Variants in UBE2K observed in about 807,000 individuals in gnomAD.
UBE2K encodes the protein ubiquitin conjugating enzyme E2 K, also known as ubiquitin-conjugating enzyme E2 K.
In UBE2K, 6 loss-of-function variants were observed where a neutral mutation model predicts 30.0. The observed-to-expected ratio is 0.20, with a 90% CI of 0.11 to 0.39. The LOEUF is 0.39. Ranked by LOEUF, UBE2K falls within the 10% of genes least tolerant of loss-of-function variation. UBE2K has a pLI of 1.00. For missense variants in UBE2K, 61 were observed against 241.6 expected, an observed-to-expected ratio of 0.25 and a Z score of 4.96; for synonymous variants, 86 against 83.7, an observed-to-expected ratio of 1.03 and a Z score of -0.15.
At position 39,721,415 on chromosome 4, in the gene UBE2K, T is replaced by G. The variant is rs150821770; in HGVS notation, c.64-16005T>G. ...GTCACCCAGGCTGGAGTGCAGTGGC[T>G]CAATCACAGCTCACTGCGGCCTCAA... On this transcript the variant is annotated intron_variant, in intron 1 of 6. Transcript: ENST00000261427. Among the ~76,000 whole-genome samples, 18 of 152,240 alleles carry G rather than the reference T, an allele frequency of 1.2e-4. No individual in the cohort carries two copies. In the East Asian group the frequency reaches 3.3e-3, roughly 28 times the overall value.
At position 39,770,111 on chromosome 4, in the gene UBE2K, A is replaced by C. The variant is rs1454621555; in HGVS notation, c.300-4723A>C. The C allele has an allele frequency of 4.4e-6, 7 of 1,577,072 alleles. No homozygotes were observed. The Admixed American group carries it at 1.2e-4, about 27-fold the overall frequency. On this transcript the variant is annotated intron_variant, in intron 4 of 6. Transcript: ENST00000261427. ...GGATGAGGACATTAATCTCGGCCACACTGGTCTCCAGCACGTTCTCGGCGG... is the reference window on the plus strand; with the variant it reads ...GGATGAGGACATTAATCTCGGCCACCCTGGTCTCCAGCACGTTCTCGGCGG...
chr4:39,712,898 C>T (rs1200303057), intron 1 of UBE2K, among the ~76,000 whole-genome samples: 6 of 147,228 alleles, frequency 4.1e-5, no homozygotes, highest in African/African-American at 7.6e-5. Context: ...CGGAGTCTCG[C>T]TTTGTCGCCC....
chr4:39,770,111 A>AC (rs1014404851), intron 4 of UBE2K: 99 of 1,577,072 alleles, frequency 6.3e-5, no homozygotes, highest in Non-Finnish European at 8.3e-5. Context: ...TCTCGGCCAC[A>AC]CTGGTCTCCA....
chr4:39,757,042 T>TTTA (rs1711538750), intron 4 of UBE2K, among the ~76,000 whole-genome samples: 1 of 141,030 alleles, frequency 7.1e-6, no homozygotes, highest in African/African-American at 2.8e-5. Context: ...GTTTTTTTTT[T>TTTA]GAGACAGAGT....
intron 1 of UBE2K, among the ~76,000 whole-genome samples, chr4:39,701,656 C>T (rs1718018908): frequency 6.6e-6 from 1 of 151,972 alleles, no homozygotes; most frequent in Non-Finnish European, 1.5e-5. Context: ...GTTTGTATTA[C>T]TGGTTAAAGG....
intron 4 of UBE2K, among the ~76,000 whole-genome samples, chr4:39,769,644 A>G (rs558674177): frequency 1.3e-5 from 2 of 151,234 alleles, no homozygotes; most frequent in African/African-American, 4.9e-5. Flanking sequence ...AAGCAGGAGC[A>G]TGTCCTCCTG....
At chr4:39,712,802 G>A (rs923002859) in intron 1 of UBE2K, among the ~76,000 whole-genome samples, 6 of 151,660 alleles carry the variant, frequency 4.0e-5, no homozygotes. Flanking sequence ...CTAGTCAGTA[G>A]AGATATTAAG....
intron 5 of UBE2K, among the ~76,000 whole-genome samples, chr4:39,776,545 A>C (rs1266047626): frequency 6.6e-6 from 1 of 152,102 alleles, no homozygotes; most frequent in East Asian, 1.9e-4. Context: ...TGTTTTCTTC[A>C]AACTCATGCT....
chr4:39,733,215 T>G (rs1392077802), intron 1 of UBE2K, among the ~76,000 whole-genome samples: 2 of 152,166 alleles, frequency 1.3e-5, no homozygotes, highest in Admixed American at 1.3e-4. Context: ...CTGCCTTGGT[T>G]GTTGCAGTCA....
chr4:39,770,716 G>C, intron 4 of UBE2K: 1 of 1,574,114 alleles, frequency 6.4e-7, no homozygotes, highest in Non-Finnish European at 8.6e-7. Flanking sequence ...AGCTCCCCAA[G>C]GTGGCCACCC....
At chr4:39,734,085 C>T (rs1398766291) in intron 1 of UBE2K, among the ~76,000 whole-genome samples, 1 of 150,404 alleles carries the variant, frequency 6.6e-6, no homozygotes, top group Admixed American at 6.8e-5. Flanking sequence ...AAATAAAGAC[C>T]CTATTCTAAG....
intron 1 of UBE2K, among the ~76,000 whole-genome samples, chr4:39,732,832 T>G (rs2109343234): frequency 6.6e-6 from 1 of 151,910 alleles, no homozygotes; most frequent in Middle Eastern, 3.4e-3. Flanking sequence ...TGTGCTACCA[T>G]GCCCAGTTAA....
intron 4 of UBE2K, among the ~76,000 whole-genome samples, chr4:39,768,916 G>GATC (rs1712540665): frequency 6.6e-6 from 1 of 152,074 alleles, no homozygotes; most frequent in Non-Finnish European, 1.5e-5. Flanking sequence ...AGAGTGCAGT[G>GATC]GCATGATCTC....
chr4:39,727,985 T>C (rs576368805), intron 1 of UBE2K, among the ~76,000 whole-genome samples: 1 of 151,922 alleles, frequency 6.6e-6, no homozygotes, highest in African/African-American at 2.4e-5. Flanking sequence ...ATGTAAGAAA[T>C]TAGCCAGGCG....
chr4:39,758,243 C>T (rs922856913), intron 4 of UBE2K, among the ~76,000 whole-genome samples: 3 of 152,196 alleles, frequency 2.0e-5, no homozygotes, highest in Non-Finnish European at 4.4e-5. Context: ...GGCAAAACCT[C>T]CCAACATCTT....
chr4:39,737,328 T>G, intron 1 of UBE2K, 92 bp from the exon 2 acceptor site: 2 of 627,394 alleles, frequency 3.2e-6, no homozygotes, highest in South Asian at 5.8e-5. Flanking sequence ...ATCAAGCTTA[T>G]GAAAGAGGGG....
Position 39,781,954 on chromosome 4 carries a change from T to C in UBE2K, c.*3520T>C. On this transcript the variant is annotated 3_prime_UTR_variant, in exon 7 of 7. Coordinates refer to ENST00000261427, the MANE Select transcript of UBE2K (RefSeq NM_005339.5). ...TATTTACTGATAAAATAGCCTTTAT[T>C]CCCAAGTGTGACTTTTCTTCAGTGT... 2.5e-6 allele frequency: 1 copy of C among 398,478 alleles called. No individual in the cohort carries two copies. The allele number at this position is 398,478 out of a possible 1,614,324, so 24.7% of individuals were successfully genotyped here. A position where few individuals can be genotyped will look rare whatever the true frequency, so the allele number is the denominator to read the frequency against.
At chr4:39,770,774 G>C in intron 4 of UBE2K, 1 of 1,582,602 alleles carries the variant, frequency 6.3e-7, no homozygotes, top group Middle Eastern at 1.7e-4. Context: ...CAGGGGGCTT[G>C]AGCCGGTGTG....
chr4:39,718,368 G>A (rs1719223009), intron 1 of UBE2K, among the ~76,000 whole-genome samples: 3 of 152,226 alleles, frequency 2.0e-5, no homozygotes, highest in Non-Finnish European at 2.9e-5. Flanking sequence ...GATAAAGAGT[G>A]CCGATTGGTG....
Sources: gnomAD v4.1 joint callset for allele counts (sites outside exome capture counted in the v4.1 genomes callset) on GRCh38, gnomAD v4.1.1 for gene constraint, MANE v1.5 for transcripts, NCBI Gene and HGNC (gene_info 2026-07-23, HGNC 2026-07-21) for gene names.